The following ANKRD6 variants were observed in gnomAD, a reference collection of about 807,000 sequenced individuals.
The protein encoded by ANKRD6 is ankyrin repeat domain-containing protein 6.
A neutral mutation model predicts 82.3 loss-of-function variants in ANKRD6; 56 were observed. The observed-to-expected ratio is 0.68, with a 90% confidence interval of 0.55 to 0.85. ANKRD6 has a LOEUF of 0.85. Ranked by LOEUF, ANKRD6 falls within the 40% of genes least tolerant of loss-of-function variation. The probability of loss-of-function intolerance (pLI) is 0.00; values close to 1 mark genes in which losing one functional copy is unlikely to be tolerated. For missense variants in ANKRD6, 852 were observed against 907.6 expected, an observed-to-expected ratio of 0.94 and a Z score of 0.79; for synonymous variants, 347 against 352.1, an observed-to-expected ratio of 0.99 and a Z score of 0.16.
intron 1 of ANKRD6, among the ~76,000 whole-genome samples, chr6:89,517,454 A>G (rs1781366116): frequency 6.6e-6 from 1 of 152,208 alleles, no homozygotes; most frequent in Non-Finnish European, 1.5e-5. Flanking sequence ...AGACTCAAGA[A>G]ACTCATTTGA....
chr6:89,476,301 T>C (rs1450454463), intron 1 of ANKRD6, among the ~76,000 whole-genome samples: 1 of 152,178 alleles, frequency 6.6e-6, no homozygotes, highest in Non-Finnish European at 1.5e-5. Flanking sequence ...TTCTCCTGTC[T>C]CAGCCTCCCG....
intron 13 of ANKRD6, 123 bp downstream of exon 13, chr6:89,624,814 G>C (rs995131856): frequency 2.9e-6 from 3 of 1,043,348 alleles, no homozygotes; most frequent in African/African-American, 3.2e-5. Flanking sequence ...TCAGGGAAGA[G>C]GCCTGCTTCT....
At chr6:89,549,648 G>A (rs1785552824) in intron 1 of ANKRD6, among the ~76,000 whole-genome samples, 1 of 152,148 alleles carries the variant, frequency 6.6e-6, no homozygotes, top group Non-Finnish European at 1.5e-5. Flanking sequence ...ACAACTTGGA[G>A]TTTATTCTTA....
chr6:89,453,637 T>G (rs925901939), intron 1 of ANKRD6, among the ~76,000 whole-genome samples: 2 of 152,062 alleles, frequency 1.3e-5, no homozygotes, highest in African/African-American at 4.8e-5. Context: ...AGGAGTGCTG[T>G]AGCGCAGTCT....
At chr6:89,481,953 C>T (rs182928844) in intron 1 of ANKRD6, among the ~76,000 whole-genome samples, 1 of 152,188 alleles carries the variant, frequency 6.6e-6, no homozygotes, top group Non-Finnish European at 1.5e-5. Context: ...CAAAGCACCT[C>T]TTTTGATTCT....
At chr6:89,516,623 C>T (rs920508240) in intron 1 of ANKRD6, among the ~76,000 whole-genome samples, 7 of 152,098 alleles carry the variant, frequency 4.6e-5, no homozygotes, top group Admixed American at 1.3e-4. Context: ...TTTACAGGCA[C>T]GTGCCACCAC....
At chr6:89,590,462 G>A (rs1794664549) in intron 2 of ANKRD6, among the ~76,000 whole-genome samples, 1 of 152,170 alleles carries the variant, frequency 6.6e-6, no homozygotes, top group Non-Finnish European at 1.5e-5. Context: ...CACCAATACA[G>A]AGAAATGACA....
chr6:89,587,988 C>T (rs1794114423), intron 2 of ANKRD6, among the ~76,000 whole-genome samples: 2 of 151,950 alleles, frequency 1.3e-5, no homozygotes, highest in Admixed American at 1.3e-4. Flanking sequence ...GTCTTCATAA[C>T]TTTGTCTTCA....
At chr6:89,458,286 A>T (rs1056730416) in intron 1 of ANKRD6, among the ~76,000 whole-genome samples, 7 of 152,244 alleles carry the variant, frequency 4.6e-5, no homozygotes, top group African/African-American at 1.7e-4. Context: ...AGTAGAATAT[A>T]TGTGTGCATT....
chr6:89,628,539 G>A (rs911911101), intron 14 of ANKRD6, among the ~76,000 whole-genome samples: 1 of 152,186 alleles, frequency 6.6e-6, no homozygotes, highest in Non-Finnish European at 1.5e-5. Context: ...GGAGGCCTAG[G>A]TGGGCGGATC....
At position 89,623,984 on chromosome 6, in the gene ANKRD6, C is replaced by A; in HGVS notation, c.1145C>A (p.Pro382Gln). The stretch of plus-strand genomic sequence containing the variant: ...AGGAACAGGCATCGGTGTTCATCCC[C>A]ACCCCCACCCCATGAGTTCAGGGCG... Reference protein sequence around the residue: ...KKRNRHRCSSPPPPHEFRAYQ... With the variant: ...KKRNRHRCSSQPPPHEFRAYQ... Residue 382 changes from proline to glutamine, a missense_variant, in exon 12 of 16, where the codon CCA (proline) becomes CAA (glutamine). Coordinates refer to ENST00000339746, the MANE Select transcript of ANKRD6 (RefSeq NM_001242809.2). 6.2e-7 allele frequency: 1 copy of A among 1,612,762 alleles called. No individual in the cohort carries two copies. Among genetic ancestry groups the A allele is most frequent in the Non-Finnish European group, 8.5e-7 (1 of 1,178,946 alleles).
chr6:89,564,022 G>T (rs897814262), intron 1 of ANKRD6, among the ~76,000 whole-genome samples: 3 of 152,172 alleles, frequency 2.0e-5, no homozygotes, highest in Non-Finnish European at 4.4e-5. Context: ...CAAACTGTGT[G>T]TAAATGCACC....
chr6:89,597,655 T>C lies in ANKRD6; in HGVS notation c.219+1641T>C, dbSNP rs139060633. On this transcript the variant is annotated intron_variant, in intron 3 of 15. Transcript: ENST00000339746. ...TTTCTTAGGTAGCCAAAGTGAGACG[T>C]GTCAGCAGAAGAAAAGCCAGCTCTA... Among the ~76,000 whole-genome samples the C allele has an allele frequency of 3.7e-3, 564 of 152,368 alleles. 9 individuals are homozygous for C. Among genetic ancestry groups the C allele is most frequent in the African/African-American group, 0.013 (534 of 41,586 alleles).
intron 3 of ANKRD6, chr6:89,601,675 C>T (rs1418237014): frequency 6.6e-6 from 1 of 152,096 alleles, no homozygotes; most frequent in African/African-American, 2.4e-5. Flanking sequence ...AACATATTTA[C>T]GTATACGGTT....
chr6:89,528,563 T>C (rs1782783562), intron 1 of ANKRD6, among the ~76,000 whole-genome samples: 1 of 152,256 alleles, frequency 6.6e-6, no homozygotes, highest in African/African-American at 2.4e-5. Flanking sequence ...AATCAACTTC[T>C]TCCAAACTCT....
rs114303405 is a variant in ANKRD6 at position 89,623,567 on chromosome 6, C to A, written c.1032+23C>A. 2,293 of 1,568,800 alleles carry A rather than the reference C, an allele frequency of 1.5e-3. 28 individuals carry two copies. In the African/African-American group the frequency reaches 0.027, roughly 19 times the overall value. ...AAGGTCAGGAGACACAGAAAGCAGC[C>A]CAGAGGGGTGGCTGGGAGGCAGGGT... On this transcript the variant is annotated intron_variant, in intron 11 of 15. Transcript: ENST00000339746.
chr6:89,479,373 G>A (rs1478293711), intron 1 of ANKRD6, among the ~76,000 whole-genome samples: 2 of 152,060 alleles, frequency 1.3e-5, no homozygotes, highest in African/African-American at 2.4e-5. Context: ...TCTCAGCAAC[G>A]TACCACTACT....
chr6:89,450,624 C>G lies in ANKRD6; in HGVS notation c.-144+17249C>G, dbSNP rs147956451. On this transcript the variant is annotated intron_variant, in intron 1 of 15. Transcript: ENST00000339746. Reference sequence around the variant, plus strand: ...CCTTGAATTCCTGGGCTAAAACAATCCTCCTGCTTCAGCCTCCCAAGTACC... The same window carrying G: ...CCTTGAATTCCTGGGCTAAAACAATGCTCCTGCTTCAGCCTCCCAAGTACC... 3.7e-3 allele frequency among the ~76,000 whole-genome samples: 567 copies of G among 152,164 alleles called. 7 individuals carry two copies. Among genetic ancestry groups the G allele is most frequent in the African/African-American group, 0.013 (536 of 41,508 alleles).
At chr6:89,580,538 A>G (rs1207012585) in intron 2 of ANKRD6, among the ~76,000 whole-genome samples, 1 of 152,090 alleles carries the variant, frequency 6.6e-6, no homozygotes, top group Non-Finnish European at 1.5e-5. Context: ...AGTGGTATAC[A>G]TTCATGGCCT....
Sources: gnomAD v4.1 joint callset for allele counts (sites outside exome capture counted in the v4.1 genomes callset) on GRCh38, gnomAD v4.1.1 for gene constraint, MANE v1.5 for transcripts, NCBI Gene and HGNC (gene_info 2026-07-23, HGNC 2026-07-21) for gene names.